Variants in ADGRL2 observed in about 807,000 individuals in gnomAD.
ADGRL2 encodes adhesion G protein-coupled receptor L2, also known as calcium-independent alpha-latrotoxin receptor 2.
Under a neutral mutation model 157.4 loss-of-function variants are expected in ADGRL2, and 44 were observed. The observed-to-expected ratio is 0.28, with a 90% CI of 0.22 to 0.36. The LOEUF is 0.36. Ranked by LOEUF, ADGRL2 falls within the 10% of genes least tolerant of loss-of-function variation. The pLI, the probability that ADGRL2 is intolerant of heterozygous loss-of-function variation, is 1.00. For missense variants in ADGRL2, 1,510 were observed against 1,768.9 expected, an observed-to-expected ratio of 0.85 and a Z score of 2.63; for synonymous variants, 585 against 624.7, an observed-to-expected ratio of 0.94 and a Z score of 0.95.
chr1:81,336,086 G>A (rs920786791), intron 1 of ADGRL2, among the ~76,000 whole-genome samples: 2 of 152,106 alleles, frequency 1.3e-5, no homozygotes, highest in East Asian at 3.9e-4. Flanking sequence ...CATTGTGATG[G>A]CCTTCACTTA....
chr1:81,518,969 A>T (rs2079246291), intron 2 of ADGRL2, among the ~76,000 whole-genome samples: 1 of 152,132 alleles, frequency 6.6e-6, no homozygotes, highest in Non-Finnish European at 1.5e-5. Context: ...ATCATATCTT[A>T]TATGTCTATA....
intron 2 of ADGRL2, among the ~76,000 whole-genome samples, chr1:81,897,351 CTA>C (rs1449321750): frequency 6.6e-6 from 1 of 151,774 alleles, no homozygotes; most frequent in East Asian, 1.9e-4. Flanking sequence ...GAAGTTGTAA[CTA>C]TATACTGAGA....
At chr1:81,569,897 G>A (rs1263757604) in intron 2 of ADGRL2, among the ~76,000 whole-genome samples, 1 of 152,182 alleles carries the variant, frequency 6.6e-6, no homozygotes, top group Admixed American at 6.5e-5. Flanking sequence ...ACTGGGGCTT[G>A]AAGGTATGCT....
intron 1 of ADGRL2, among the ~76,000 whole-genome samples, chr1:81,756,510 G>A (rs2085695722): frequency 6.6e-6 from 1 of 152,096 alleles, no homozygotes; most frequent in African/African-American, 2.4e-5. Flanking sequence ...AGGTATAAGT[G>A]GGTAGATGTG....
intron 2 of ADGRL2, among the ~76,000 whole-genome samples, chr1:81,888,937 A>G (rs2094196024): frequency 6.6e-6 from 1 of 152,134 alleles, no homozygotes; most frequent in Admixed American, 6.5e-5. Flanking sequence ...TGATATTATT[A>G]TAACTATTTG....
intron 2 of ADGRL2, among the ~76,000 whole-genome samples, chr1:81,512,823 G>A (rs1368014944): frequency 1.2e-4 from 18 of 152,074 alleles, no homozygotes; most frequent in Non-Finnish European, 1.3e-4. Flanking sequence ...CAGCCCCCCT[G>A]CAGGACAAAT....
Position 81,969,274 on chromosome 1 carries a change from T to C in ADGRL2, c.2620T>C (p.Cys874Arg). The C allele has an allele frequency of 6.2e-7, 1 of 1,614,042 alleles. No individual in the cohort carries two copies. The highest frequency in any genetic ancestry group is 1.3e-5 in the African/African-American group (1 of 75,062). Reference protein sequence around the residue: ...VCLAICIFTFCFFRGLQSDRN... With the variant: ...VCLAICIFTFRFFRGLQSDRN... ...CCTGGCTATCTGCATCTTCACCTTC[T>C]GCTTTTTCCGTGGCCTACAGAGTGA... The change falls in exon 15 of 24, where the codon TGC (cysteine) becomes CGC (arginine). Residue 874 changes from cysteine (C) to arginine (R), a missense_variant. By Grantham distance (180) the Cys-to-Arg change is radical. Coordinates refer to ENST00000686636, the MANE Select transcript of ADGRL2 (RefSeq NM_001366006.2).
intron 2 of ADGRL2, chr1:81,557,464 AAAGAAGAAAGAAAGAAAGAAGAAAG>A (rs2080318017): frequency 2.4e-5 from 2 of 82,826 alleles, no homozygotes; most frequent in African/African-American, 1.0e-4. Context: ...AGAAAGAAAG[AAAGAAGAAAGAAAGAAAGAAGAAAG>A]AAAGAAAGAA....
At chr1:81,671,133 G>A (rs1024570503) in intron 3 of ADGRL2, among the ~76,000 whole-genome samples, 3 of 152,152 alleles carry the variant, frequency 2.0e-5, no homozygotes, top group African/African-American at 7.2e-5. Context: ...AATTCTGTAG[G>A]AGAAGGGGCC....
intron 1 of ADGRL2, among the ~76,000 whole-genome samples, chr1:81,333,397 TAATTA>T (rs879906991): frequency 1.1e-3 from 160 of 141,956 alleles, no homozygotes; most frequent in African/African-American, 3.5e-3. Context: ...ACTTTTTAAT[TAATTA>T]ATTAATTAAT....
At chr1:81,540,968 C>T (rs4457621) in intron 2 of ADGRL2, among the ~76,000 whole-genome samples, 50,092 of 151,780 alleles carry the variant, frequency 0.33, 8,666 homozygotes, top group East Asian at 0.5. Flanking sequence ...AATTTTATAC[C>T]TAATGGTATA....
chr1:81,599,482 T>G (rs144214955), intron 3 of ADGRL2, among the ~76,000 whole-genome samples: 1 of 152,068 alleles, frequency 6.6e-6, no homozygotes, highest in Non-Finnish European at 1.5e-5. Flanking sequence ...TATTCAACAG[T>G]CTCCTCAAGC....
rs35970820 is a variant in ADGRL2, at chr1:81,818,162, GA to G, written c.-101+17103del. On this transcript the variant is annotated intron_variant, in intron 1 of 23. Coordinates refer to ENST00000686636, the MANE Select transcript of ADGRL2 (RefSeq NM_001366006.2). Reference sequence around the variant, plus strand: ...TCCAACCTGGGCAACAGACCTCTCAGAAAAAAAAATTCCTCTTGAGAGTCTT... The same window carrying G: ...TCCAACCTGGGCAACAGACCTCTCAGAAAAAAAATTCCTCTTGAGAGTCTT... 1.3e-3 allele frequency among the ~76,000 whole-genome samples: 195 copies of G among 150,990 alleles called. 7 individuals carry two copies. The South Asian group carries it at 0.036, about 28-fold the overall frequency.
intron 2 of ADGRL2, among the ~76,000 whole-genome samples, chr1:81,849,875 C>CTTTT (rs1557769748): frequency 6.6e-6 from 1 of 151,842 alleles, no homozygotes; most frequent in Non-Finnish European, 1.5e-5. Flanking sequence ...TAAATACATA[C>CTTTT]AAATAACGTG....
intron 3 of ADGRL2, chr1:81,596,046 C>A (rs1268554671): frequency 3.1e-6 from 1 of 327,868 alleles, no homozygotes; most frequent in African/African-American, 2.2e-5. Flanking sequence ...ACCCTCATGA[C>A]CTAGTCACCT....
At chr1:81,359,787 T>C (rs1252331554) in intron 1 of ADGRL2, among the ~76,000 whole-genome samples, 2 of 152,028 alleles carry the variant, frequency 1.3e-5, no homozygotes, top group East Asian at 3.9e-4. Context: ...CTCTTAGTCT[T>C]CCACATTCAG....
chr1:81,962,672 A>G (rs1223944308), intron 11 of ADGRL2, among the ~76,000 whole-genome samples: 1 of 151,716 alleles, frequency 6.6e-6, no homozygotes, highest in African/African-American at 2.4e-5. Context: ...CCTGAAATTT[A>G]TTTTTAATTA....
rs1287413848 is a variant in ADGRL2, at chr1:81,990,784, A to T, written c.4049A>T (p.Gln1350Leu). Residue 1350 changes from glutamine to leucine, a missense_variant, in exon 24 of 24, where the codon CAG becomes CTG. Transcript: ENST00000686636. ...ACTCACTCCCTTCTGTACCAACCCCAGAAGAAAGTGAAGTCCGAGGGAACT... is the reference window on the plus strand; with the variant it reads ...ACTCACTCCCTTCTGTACCAACCCCTGAAGAAAGTGAAGTCCGAGGGAACT... ...QRTHSLLYQP[Q>L]KKVKSEGTDS... 1.2e-6 allele frequency: 2 copies of T among 1,613,970 alleles called. No homozygotes were observed. The highest frequency in any genetic ancestry group is 3.3e-5 in the Admixed American group (2 of 59,990).
At chr1:81,529,994 T>G (rs1027665748) in intron 2 of ADGRL2, among the ~76,000 whole-genome samples, 2 of 152,214 alleles carry the variant, frequency 1.3e-5, no homozygotes, top group Non-Finnish European at 2.9e-5. Flanking sequence ...CGCAATAACA[T>G]GCCCAAGGTC....
Sources: allele counts gnomAD v4.1 joint callset (sites outside exome capture counted in the v4.1 genomes callset), GRCh38; gene constraint gnomAD v4.1.1; transcripts MANE v1.5; gene names NCBI Gene and HGNC (gene_info 2026-07-23, HGNC 2026-07-21).